TBC1D22A: variants seen among roughly 807,000 people sequenced by gnomAD.
TBC1D22A encodes the protein TBC1 domain family member 22A.
TBC1D22A carries 38 observed loss-of-function variants against 60.2 expected under a neutral mutation model. The observed-to-expected ratio is 0.63, with a 90% confidence interval of 0.49 to 0.83. The LOEUF (loss-of-function observed/expected upper bound fraction) is 0.83, where lower values mean the gene tolerates loss of function less well. Among genes scored for constraint, TBC1D22A ranks in the 40% least tolerant of loss-of-function variants. The probability of loss-of-function intolerance (pLI) is 0.00; values close to 1 mark genes in which losing one functional copy is unlikely to be tolerated. For synonymous variants in TBC1D22A, 302 were observed against 281.7 expected, an observed-to-expected ratio of 1.07 and a Z score of -0.72; for missense variants, 628 against 701.0, an observed-to-expected ratio of 0.90 and a Z score of 1.18.
intron 7 of TBC1D22A, among the ~76,000 whole-genome samples, chr22:46,899,026 G>A (rs1018732149): frequency 6.6e-6 from 1 of 152,216 alleles, no homozygotes; most frequent in Non-Finnish European, 1.5e-5. Context: ...AACTTGGAGG[G>A]TAGATGAGCT....
At chr22:46,915,650 C>T (rs1315400067) in intron 8 of TBC1D22A, 2 of 456,466 alleles carry the variant, frequency 4.4e-6, no homozygotes, top group African/African-American at 4.0e-5. Context: ...TTAAGAAATC[C>T]CCGGGGTGTG....
chr22:47,172,182 C>T (rs986579017), intron 12 of TBC1D22A, among the ~76,000 whole-genome samples: 1 of 152,070 alleles, frequency 6.6e-6, no homozygotes, highest in African/African-American at 2.4e-5. Context: ...GCCCAGTGAG[C>T]CTTGTGTGTC....
At chr22:47,064,149 C>G (rs892527605) in intron 11 of TBC1D22A, among the ~76,000 whole-genome samples, 22 of 152,224 alleles carry the variant, frequency 1.4e-4, no homozygotes, top group African/African-American at 5.1e-4. Context: ...GTGGACAGGC[C>G]CTCGTGGAGC....
rs186723913 is a variant in TBC1D22A, at chr22:47,072,713, G to T, written c.1329+35515G>T. On this transcript the variant is annotated intron_variant, in intron 11 of 12. Transcript: ENST00000337137. ...GTATGTGGTGAGCACATGGCACCCC[G>T]ATCCGATTTACTTGGTGTCCTGTCG... Among the ~76,000 whole-genome samples the T allele has an allele frequency of 8.2e-4, 125 of 152,356 alleles. 1 individual carries two copies. Among genetic ancestry groups the T allele is most frequent in the African/African-American group, 2.9e-3 (119 of 41,596 alleles).
At chr22:46,905,886 G>A (rs2069427972) in intron 7 of TBC1D22A, among the ~76,000 whole-genome samples, 1 of 152,348 alleles carries the variant, frequency 6.6e-6, no homozygotes, top group East Asian at 1.9e-4. Context: ...TATTGTAGGT[G>A]TTGGGGATTT....
chr22:46,948,391 G>C lies in TBC1D22A; in HGVS notation c.1016-25899G>C, dbSNP rs185023487. Among the ~76,000 whole-genome samples, 185 of 152,346 alleles carry C rather than the reference G, an allele frequency of 1.2e-3. 3 individuals carry two copies. The highest frequency in any genetic ancestry group is 9.9e-3 in the Admixed American group (151 of 15,306). ...AAGAGTCATTTTTATACAGGGTCAT[G>C]CCTTTGTAGTCAAGAGCCTACATTC... On this transcript the variant is annotated intron_variant, in intron 8 of 12. Transcript: ENST00000337137.
rs748640215 is a variant in TBC1D22A, at chr22:46,904,096, AATCTATCT to A, written c.901-7936_901-7929del. On this transcript the variant is annotated intron_variant, in intron 7 of 12. Coordinates refer to ENST00000337137, the MANE Select transcript of TBC1D22A (RefSeq NM_014346.5). ...TATACATATATACATATCTAAATAA[AATCTATCT>A]ATCTATCTATCTATCTATCTATCTA... Among the ~76,000 whole-genome samples the A allele has an allele frequency of 6.6e-3, 707 of 106,904 alleles. 4 individuals are homozygous for A. The highest frequency in any genetic ancestry group is 9.4e-3 in the Non-Finnish European group (507 of 54,062). The allele number at this position is 106,904 out of a possible 152,430, so 70.1% of individuals were successfully genotyped here. A position where few individuals can be genotyped will look rare whatever the true frequency, so the allele number is the denominator to read the frequency against.
At chr22:46,766,043 G>C (rs1284349234) in intron 1 of TBC1D22A, among the ~76,000 whole-genome samples, 1 of 151,192 alleles carries the variant, frequency 6.6e-6, no homozygotes, top group South Asian at 2.1e-4. Flanking sequence ...TGTTGTCCAG[G>C]CTGGAGTGCA....
chr22:46,771,419 T>G (rs780321124), intron 1 of TBC1D22A, among the ~76,000 whole-genome samples: 10 of 152,062 alleles, frequency 6.6e-5, no homozygotes, highest in Admixed American at 5.9e-4. Flanking sequence ...ATTTGTGAGA[T>G]TTGGGTGCAC....
intron 5 of TBC1D22A, among the ~76,000 whole-genome samples, chr22:46,883,517 C>T (rs894518718): frequency 3.3e-5 from 5 of 152,174 alleles, no homozygotes; most frequent in Admixed American, 3.3e-4. Flanking sequence ...GTTTTTATTG[C>T]CTGCATTCCG....
At chr22:46,965,274 C>A (rs533028734) in intron 8 of TBC1D22A, among the ~76,000 whole-genome samples, 11 of 152,254 alleles carry the variant, frequency 7.2e-5, no homozygotes, top group Non-Finnish European at 1.5e-4. Flanking sequence ...CACCAGCGTG[C>A]CATTTTGCCA....
intron 8 of TBC1D22A, among the ~76,000 whole-genome samples, chr22:46,932,450 G>A (rs1017326318): frequency 6.6e-6 from 1 of 152,166 alleles, no homozygotes; most frequent in Non-Finnish European, 1.5e-5. Flanking sequence ...TTGTATCCAC[G>A]AGTGACAGTG....
intron 8 of TBC1D22A, chr22:46,915,265 G>A (rs543203615): frequency 1.8e-5 from 7 of 390,470 alleles, no homozygotes; most frequent in Non-Finnish European, 2.6e-5. Context: ...TCCAGCACCG[G>A]CAGAGGCACG....
At chr22:46,762,880 C>T (rs1470642832) in intron 1 of TBC1D22A, 32 bp downstream of exon 1, 2 of 1,471,556 alleles carry the variant, frequency 1.4e-6, no homozygotes, top group Non-Finnish European at 1.8e-6. Flanking sequence ...AGGTCGGGGT[C>T]AGGGGTCAGA....
chr22:46,783,848 A>T (rs1227093045), intron 1 of TBC1D22A, among the ~76,000 whole-genome samples: 2 of 152,090 alleles, frequency 1.3e-5, no homozygotes, highest in African/African-American at 4.8e-5. Context: ...AATTTTTTTT[A>T]TCTTTTTTAG....
At chr22:46,789,612 G>C (rs1450716527) in intron 1 of TBC1D22A, 1 of 170,710 alleles carries the variant, frequency 5.9e-6, no homozygotes, top group Non-Finnish European at 1.3e-5. Flanking sequence ...GTGAACATTT[G>C]GTATAATTAA....
At chr22:47,041,563 T>C (rs945674082) in intron 11 of TBC1D22A, among the ~76,000 whole-genome samples, 1 of 152,042 alleles carries the variant, frequency 6.6e-6, no homozygotes, top group Non-Finnish European at 1.5e-5. Flanking sequence ...AAGGAAAAGG[T>C]TTATTTGAGT....
At chr22:46,842,182 A>G (rs1158613116) in intron 4 of TBC1D22A, among the ~76,000 whole-genome samples, 1 of 152,218 alleles carries the variant, frequency 6.6e-6, no homozygotes, top group Non-Finnish European at 1.5e-5. Flanking sequence ...TTCTTTGGTA[A>G]AGGCATGAAG....
At chr22:47,082,907 T>TGTTC (rs1245075749) in intron 11 of TBC1D22A, among the ~76,000 whole-genome samples, 2 of 152,234 alleles carry the variant, frequency 1.3e-5, no homozygotes, top group Admixed American at 1.3e-4. Flanking sequence ...TGTACCAGAA[T>TGTTC]GTTCATAGCA....
Sources: gnomAD v4.1 joint callset for allele counts (sites outside exome capture counted in the v4.1 genomes callset) on GRCh38, gnomAD v4.1.1 for gene constraint, MANE v1.5 for transcripts, NCBI Gene and HGNC (gene_info 2026-07-23, HGNC 2026-07-21) for gene names.